The following FRMPD3 variants were observed in gnomAD, a reference collection of about 807,000 sequenced individuals.
The protein encoded by FRMPD3 is FERM and PDZ domain-containing protein 3.
A neutral mutation model predicts 97.9 loss-of-function variants in FRMPD3; 42 were observed. The observed-to-expected ratio is 0.43, with a 90% CI of 0.34 to 0.55. FRMPD3 has a LOEUF of 0.55. Among genes scored for constraint, FRMPD3 ranks in the 20% least tolerant of loss-of-function variants. The pLI is 0.03. For synonymous variants in FRMPD3, 577 were observed against 581.1 expected, an observed-to-expected ratio of 0.99 and a Z score of 0.10; for missense variants, 1,303 against 1,457.7, an observed-to-expected ratio of 0.89 and a Z score of 1.73.
At chrX:107,600,020 T>C (rs1440633976) in intron 14 of FRMPD3, among the ~76,000 whole-genome samples, 2 of 112,368 alleles carry the variant, frequency 1.8e-5, no homozygotes, top group African/African-American at 6.5e-5. Flanking sequence ...ATTTTTCTTG[T>C]CATTATTCCC....
chrX:107,589,633 T>C (rs1454532047), intron 13 of FRMPD3, among the ~76,000 whole-genome samples: 3 of 112,158 alleles, frequency 2.7e-5, no homozygotes, highest in Non-Finnish European at 5.6e-5. Flanking sequence ...GAAACTTGAT[T>C]GCCGCTGTTT....
intron 1 of FRMPD3, among the ~76,000 whole-genome samples, chrX:107,463,676 C>G (rs1931512890): frequency 8.9e-6 from 1 of 112,717 alleles, no homozygotes. Context: ...GGTTCCCATT[C>G]TAAAAATGTC....
At chrX:107,471,847 C>T (rs1921071355) in intron 1 of FRMPD3, among the ~76,000 whole-genome samples, 1 of 112,366 alleles carries the variant, frequency 8.9e-6, no homozygotes, top group Non-Finnish European at 1.9e-5. Context: ...AAGGGTATTT[C>T]TGTTTCTAGA....
chrX:107,523,766 A>C (rs1922588178), intron 1 of FRMPD3, among the ~76,000 whole-genome samples: 1 of 112,461 alleles, frequency 8.9e-6, no homozygotes. Flanking sequence ...CAAAAGAGTA[A>C]AGCAAAGCAC....
At chrX:107,468,713 G>C (rs1015133198) in intron 1 of FRMPD3, among the ~76,000 whole-genome samples, 1 of 112,512 alleles carries the variant, frequency 8.9e-6, no homozygotes, top group Non-Finnish European at 1.9e-5. Flanking sequence ...GGAAAAACTG[G>C]GGAAGACTTT....
At chrX:107,458,382 G>A (rs1313430934) in intron 1 of FRMPD3, among the ~76,000 whole-genome samples, 2 of 112,522 alleles carry the variant, frequency 1.8e-5, no homozygotes, top group African/African-American at 3.2e-5. Flanking sequence ...AGTAAGCACT[G>A]TAGGGGTTCA....
At chrX:107,460,373 T>A (rs1268832024) in intron 1 of FRMPD3, among the ~76,000 whole-genome samples, 1 of 110,507 alleles carries the variant, frequency 9.0e-6, no homozygotes, top group Non-Finnish European at 1.9e-5. Context: ...GCAAGTTGGT[T>A]TCAGAAACTG....
intron 12 of FRMPD3, among the ~76,000 whole-genome samples, chrX:107,574,995 G>A (rs1923047313): frequency 8.9e-6 from 1 of 112,545 alleles, no homozygotes; most frequent in African/African-American, 3.2e-5. Context: ...ACTTGGTCAA[G>A]CCATAGTTAA....
rs1472093369 is a variant in FRMPD3 at position 107,560,759 on chromosome X, C to A, written c.932C>A (p.Pro311His). The change falls in exon 10 of 15, where the codon CCC becomes CAC. Residue 311 changes from proline to histidine, a missense_variant. Pro to His is a moderately conservative substitution (Grantham distance 77, BLOSUM62 -2). Coordinates refer to ENST00000683843, the MANE Select transcript of FRMPD3 (RefSeq NM_001388459.1). Reference sequence around the variant, plus strand: ...TGGGGCCTGGAACCCTTTCTTCCCCCCTCCCTCCTGCAGGTCATCAAAGAG... The same window carrying A: ...TGGGGCCTGGAACCCTTTCTTCCCCACTCCCTCCTGCAGGTCATCAAAGAG... ...KEWGLEPFLP[P>H]SLLQVIKEKN... is the part of the protein sequence containing the mutation. 4 of 1,167,550 alleles carry A rather than the reference C, an allele frequency of 3.4e-6. No individual in the cohort carries two copies. The highest frequency in any genetic ancestry group is 4.6e-6 in the Non-Finnish European group (4 of 873,698).
chrX:107,528,375 G>A (rs1355921078), intron 2 of FRMPD3, among the ~76,000 whole-genome samples: 1 of 111,610 alleles, frequency 9.0e-6, no homozygotes, highest in African/African-American at 3.3e-5. Context: ...AAGGGCCAAG[G>A]CCCATAAAGG....
intron 1 of FRMPD3, among the ~76,000 whole-genome samples, 156 bp downstream of exon 1, chrX:107,450,161 T>C: frequency 9.1e-6 from 1 of 110,357 alleles, no homozygotes; most frequent in Middle Eastern, 4.8e-3. Flanking sequence ...GCCGAACGTC[T>C]GGCCGCCCGG....
intron 1 of FRMPD3, among the ~76,000 whole-genome samples, chrX:107,480,958 A>T (rs993496570): frequency 9.4e-6 from 1 of 106,489 alleles, no homozygotes; most frequent in Non-Finnish European, 1.9e-5. Flanking sequence ...GAAAGAAAGA[A>T]AGAAACAGAC....
intron 1 of FRMPD3, among the ~76,000 whole-genome samples, chrX:107,485,660 C>T: frequency 8.9e-6 from 1 of 111,898 alleles, no homozygotes; most frequent in South Asian, 3.8e-4. Context: ...GCTCCTGCCC[C>T]TGAGTAAATT....
intron 2 of FRMPD3, among the ~76,000 whole-genome samples, chrX:107,529,922 A>T (rs1298848082): frequency 8.9e-6 from 1 of 112,024 alleles, no homozygotes; most frequent in Non-Finnish European, 1.9e-5. Flanking sequence ...GCAAGCCAGT[A>T]AAATGTTTAT....
At chrX:107,572,911 A>ACTACTACTACTAC (rs1365575864) in intron 12 of FRMPD3, among the ~76,000 whole-genome samples, 193 of 87,590 alleles carry the variant, frequency 2.2e-3, no homozygotes, top group African/African-American at 9.9e-3. Flanking sequence ...ACTACTACTA[A>ACTACTACTACTAC]TAATAATAAT....
At chrX:107,583,734 A>G (rs187994997) in intron 13 of FRMPD3, among the ~76,000 whole-genome samples, 1 of 111,630 alleles carries the variant, frequency 9.0e-6, no homozygotes, top group East Asian at 2.8e-4. Flanking sequence ...ATTTCTCCAC[A>G]GCCTCACTAG....
chrX:107,533,521 A>G lies in FRMPD3; in HGVS notation c.268A>G (p.Ile90Val), dbSNP rs1923076066. ...IELIRSAKEF[I>V]VLTVLHTHQS... ...TCTCTGTAGGAGCGCTAAGGAATTC[A>G]TCGTTCTTACAGTTCTGCACACTCA... The change falls in exon 4 of 15, where the codon ATC (isoleucine) becomes GTC (valine). Residue 90 changes from isoleucine (I) to valine (V), a missense_variant. Ile to Val is a conservative substitution (Grantham distance 29). Transcript: ENST00000683843. 2 of 1,209,060 alleles carry G rather than the reference A, an allele frequency of 1.7e-6. No individual in the cohort carries two copies. The highest frequency in any genetic ancestry group is 2.2e-6 in the Non-Finnish European group (2 of 894,171).
chrX:107,479,749 A>G (rs1409555690), intron 1 of FRMPD3, among the ~76,000 whole-genome samples: 3 of 110,041 alleles, frequency 2.7e-5, no homozygotes, highest in Non-Finnish European at 5.7e-5. Context: ...GTTTCACAAC[A>G]TTGTGAAGGG....
At chrX:107,535,818 C>A (rs1923209572) in intron 4 of FRMPD3, among the ~76,000 whole-genome samples, 2 of 110,790 alleles carry the variant, frequency 1.8e-5, no homozygotes, top group Admixed American at 1.9e-4. Context: ...AGTAAAGATA[C>A]CCCATTTACC....
Sources: allele counts gnomAD v4.1 joint callset (sites outside exome capture counted in the v4.1 genomes callset), GRCh38; gene constraint gnomAD v4.1.1; transcripts MANE v1.5; gene names NCBI Gene and HGNC (gene_info 2026-07-23, HGNC 2026-07-21).